Variants in TIPARP observed in about 807,000 individuals in gnomAD.
TIPARP encodes TCDD inducible poly(ADP-ribose) polymerase.
A neutral mutation model predicts 56.5 loss-of-function variants in TIPARP; 12 were observed. The observed-to-expected ratio is 0.21, with a 90% confidence interval of 0.14 to 0.34. The LOEUF (loss-of-function observed/expected upper bound fraction) is 0.34, where lower values mean the gene tolerates loss of function less well. Among genes scored for constraint, TIPARP ranks in the 10% least tolerant of loss-of-function variants. The pLI is 1.00. For synonymous variants in TIPARP, 296 were observed against 265.7 expected (o/e 1.11, Z -1.11); for missense variants, 604 against 781.6 (o/e 0.77, Z 2.71).
rs1249587555 is a variant in TIPARP, at chr3:156,674,694, C to G, written c.-144C>G. On this transcript the variant is annotated 5_prime_UTR_variant, in exon 1 of 6. Transcript: ENST00000295924. ...GTGCGCGGCTCGCCGCGTCGCGGCT[C>G]TGTGGTCCCTAGACGTCGGCTCCCG... is the stretch of plus-strand genomic sequence containing the variant. 1 of 152,650 alleles carries G rather than the reference C, an allele frequency of 6.6e-6. No homozygotes were observed. Among genetic ancestry groups the G allele is most frequent in the Non-Finnish European group, 1.5e-5 (1 of 68,148 alleles). 9.5% of individuals were successfully genotyped at this position (152,650 alleles called of 1,614,324 possible).
chr3:156,691,064 G>A (rs1722561474), intron 2 of TIPARP, among the ~76,000 whole-genome samples: 1 of 152,106 alleles, frequency 6.6e-6, no homozygotes, highest in Non-Finnish European at 1.5e-5. Context: ...GGAATTTACA[G>A]GTTCCCATTT....
chr3:156,700,004 C>T (rs1353765904), intron 4 of TIPARP, among the ~76,000 whole-genome samples: 3 of 152,042 alleles, frequency 2.0e-5, no homozygotes, highest in Admixed American at 6.5e-5. Context: ...AAGTAGATTC[C>T]AGAGGCTATG....
At chr3:156,680,463 T>C (rs759480932) in intron 2 of TIPARP, among the ~76,000 whole-genome samples, 9 of 152,196 alleles carry the variant, frequency 5.9e-5, no homozygotes, top group Non-Finnish European at 1.2e-4. Context: ...CTCTAATCCT[T>C]CTATCTCCAG....
chr3:156,694,266 A>G lies in TIPARP; in HGVS notation c.1086+78A>G, dbSNP rs1475735591. ...TCCTGTATTCTTTTATTCTTTCTTTACAACAATGACTAGGCAGAACTATGC... is the reference window on the plus strand; with the variant it reads ...TCCTGTATTCTTTTATTCTTTCTTTGCAACAATGACTAGGCAGAACTATGC... On this transcript the variant is annotated intron_variant, in intron 3 of 5. Coordinates refer to ENST00000295924, the MANE Select transcript of TIPARP (RefSeq NM_015508.5). 5 of 1,335,544 alleles carry G rather than the reference A, an allele frequency of 3.7e-6. No individual in the cohort carries two copies. The Admixed American group carries it at 9.5e-5, about 25-fold the overall frequency. 82.7% of individuals were successfully genotyped at this position (1,335,544 alleles called of 1,614,324 possible). A position where few individuals can be genotyped will look rare whatever the true frequency, so the allele number is the denominator to read the frequency against.
intron 2 of TIPARP, among the ~76,000 whole-genome samples, chr3:156,679,929 G>T (rs1163683381): frequency 6.7e-6 from 1 of 149,550 alleles, no homozygotes; most frequent in Non-Finnish European, 1.5e-5. Context: ...GGTTTTTTTT[G>T]TTTGTTTGTT....
At chr3:156,689,288 T>A (rs1348388949) in intron 2 of TIPARP, among the ~76,000 whole-genome samples, 1 of 152,144 alleles carries the variant, frequency 6.6e-6, no homozygotes, top group African/African-American at 2.4e-5. Flanking sequence ...CTTTTCACTC[T>A]CTTCTGCCCC....
At chr3:156,676,524 A>G (rs1722133841) in intron 1 of TIPARP, 1 of 152,252 alleles carries the variant, frequency 6.6e-6, no homozygotes, top group African/African-American at 2.4e-5. Flanking sequence ...CAAAATATAT[A>G]TGGAACACCA....
intron 2 of TIPARP, 111 bp downstream of exon 2, chr3:156,678,725 T>C (rs1722215485): frequency 3.3e-6 from 3 of 917,898 alleles, no homozygotes; most frequent in South Asian, 1.8e-5. Context: ...TTTCTTTTTT[T>C]CCACTATTAT....
chr3:156,697,422 CTTTTTTTT>C (rs60091681), intron 4 of TIPARP, among the ~76,000 whole-genome samples: 3 of 140,304 alleles, frequency 2.1e-5, no homozygotes, highest in African/African-American at 7.9e-5. Flanking sequence ...AATATGCCCT[CTTTTTTTT>C]TTTTTTTTGA....
rs1050896756 is a variant in TIPARP at position 156,704,108 on chromosome 3, G to A, written c.1526+406G>A. 6.6e-5 allele frequency among the ~76,000 whole-genome samples: 10 copies of A among 151,852 alleles called. No homozygotes were observed. In the South Asian group the frequency reaches 8.3e-4, roughly 13 times the overall value. On this transcript the variant is annotated intron_variant, in intron 5 of 5. Transcript: ENST00000295924. The stretch of plus-strand genomic sequence containing the variant: ...TAGTAAACATTTGCACAGAATTTAT[G>A]TTCATATTTTCTGTGTATTGACTGA...
In TIPARP at chr3:156,677,663, T is replaced by C; in HGVS notation, c.-35T>C. Reference sequence around the variant, plus strand: ...TTCCTTCCTTTCCTCGTAGGATTTTTAGACTCTGAGGAGCAGTTGGAGCTA... The same window carrying C: ...TTCCTTCCTTTCCTCGTAGGATTTTCAGACTCTGAGGAGCAGTTGGAGCTA... On this transcript the variant is annotated 5_prime_UTR_variant, in exon 2 of 6. Transcript: ENST00000295924. 5 of 1,517,044 alleles carry C rather than the reference T, an allele frequency of 3.3e-6. No individual in the cohort carries two copies. The highest frequency in any genetic ancestry group is 4.4e-6 in the Non-Finnish European group (5 of 1,135,504). The allele number at this position is 1,517,044 out of a possible 1,614,324, so 94.0% of individuals were successfully genotyped here. A position where few individuals can be genotyped will look rare whatever the true frequency, so the allele number is the denominator to read the frequency against.
At chr3:156,704,411 T>G (rs1722929180) in intron 5 of TIPARP, among the ~76,000 whole-genome samples, 3 of 152,166 alleles carry the variant, frequency 2.0e-5, no homozygotes, top group Non-Finnish European at 4.4e-5. Context: ...ATTGGAGGAA[T>G]TAGGCAAGGA....
intron 2 of TIPARP, among the ~76,000 whole-genome samples, chr3:156,686,851 A>G (rs573100892): frequency 1.3e-5 from 2 of 152,272 alleles, no homozygotes; most frequent in Admixed American, 1.3e-4. Context: ...ATTTACATAT[A>G]GTATTATATT....
At chr3:156,677,574 AC>A (rs1340068540) in intron 1 of TIPARP, 82 bp from the exon 2 acceptor site, 2 of 954,640 alleles carry the variant, frequency 2.1e-6, no homozygotes, top group Non-Finnish European at 1.5e-6. Flanking sequence ...ATCAGTCAGG[AC>A]AAAAACAAAA....
intron 2 of TIPARP, among the ~76,000 whole-genome samples, chr3:156,690,506 G>C (rs757938070): frequency 6.6e-6 from 1 of 152,108 alleles, no homozygotes; most frequent in African/African-American, 2.4e-5. Flanking sequence ...GAGAATGGGC[G>C]TCCTTTTCAG....
At position 156,705,244 on chromosome 3, in the gene TIPARP, T is replaced by A. The variant is rs1162629189; in HGVS notation, c.*113T>A. ...GCATTGGACATTAATAGGGCACTTTTCAGACCCATTTTTTAAAGTGCTAGA... is the reference window on the plus strand; with the variant it reads ...GCATTGGACATTAATAGGGCACTTTACAGACCCATTTTTTAAAGTGCTAGA... On this transcript the variant is annotated 3_prime_UTR_variant, in exon 6 of 6. Transcript: ENST00000295924. 2 of 716,712 alleles carry A rather than the reference T, an allele frequency of 2.8e-6. No individual in the cohort carries two copies. Among genetic ancestry groups the A allele is most frequent in the Non-Finnish European group, 4.3e-6 (2 of 460,406 alleles). The allele number at this position is 716,712 out of a possible 1,614,324, so 44.4% of individuals were successfully genotyped here.
At chr3:156,684,660 G>C (rs570942698) in intron 2 of TIPARP, among the ~76,000 whole-genome samples, 2 of 152,160 alleles carry the variant, frequency 1.3e-5, no homozygotes, top group Admixed American at 6.5e-5. Context: ...TCGAACTCCC[G>C]ACCTCAGATG....
At chr3:156,677,068 T>G (rs1722148591) in intron 1 of TIPARP, among the ~76,000 whole-genome samples, 1 of 152,228 alleles carries the variant, frequency 6.6e-6, no homozygotes, top group Non-Finnish European at 1.5e-5. Flanking sequence ...GCTTTCTGAA[T>G]ATAGAAATGC....
At chr3:156,691,872 G>A (rs749633357) in intron 2 of TIPARP, among the ~76,000 whole-genome samples, 2 of 152,132 alleles carry the variant, frequency 1.3e-5, no homozygotes, top group Non-Finnish European at 2.9e-5. Context: ...AGTAAATTAG[G>A]ATTTGTCGTA....
Sources: gnomAD v4.1 joint callset for allele counts (sites outside exome capture counted in the v4.1 genomes callset) on GRCh38, gnomAD v4.1.1 for gene constraint, MANE v1.5 for transcripts, NCBI Gene and HGNC (gene_info 2026-07-23, HGNC 2026-07-21) for gene names.